Variants in ELL2 observed in about 807,000 individuals in gnomAD.
The protein encoded by ELL2 is elongation factor for RNA polymerase II 2.
A neutral mutation model predicts 72.8 loss-of-function variants in ELL2; 21 were observed. The observed-to-expected ratio is 0.29, with a 90% CI of 0.20 to 0.42. ELL2 has a LOEUF of 0.42. Ranked by LOEUF, ELL2 falls within the 10% of genes least tolerant of loss-of-function variation. The pLI is 1.00. For missense variants in ELL2, 568 were observed against 772.8 expected (o/e 0.73, Z 3.14); for synonymous variants, 266 against 283.2 (o/e 0.94, Z 0.61).
chr5:95,895,802 T>C (rs773983811), intron 8 of ELL2, 111 bp from the exon 9 acceptor site: 3 of 858,188 alleles, frequency 3.5e-6, no homozygotes, highest in Non-Finnish European at 5.8e-6. Context: ...TCAAATTCTA[T>C]TCTTCCATCT....
intron 4 of ELL2, among the ~76,000 whole-genome samples, chr5:95,912,216 A>G (rs746155166): frequency 1.8e-4 from 28 of 152,238 alleles, no homozygotes; most frequent in Non-Finnish European, 3.8e-4. Flanking sequence ...ACAAAAACAC[A>G]TGAACACAGA....
intron 4 of ELL2, among the ~76,000 whole-genome samples, chr5:95,908,652 A>G (rs1299565733): frequency 6.6e-6 from 1 of 152,180 alleles, no homozygotes; most frequent in Non-Finnish European, 1.5e-5. Context: ...GAAATTTCTA[A>G]TGTGGCAAAG....
At chr5:95,937,152 G>T (rs746740976) in intron 2 of ELL2, among the ~76,000 whole-genome samples, 11 of 152,200 alleles carry the variant, frequency 7.2e-5, no homozygotes, top group Non-Finnish European at 1.3e-4. Context: ...GGACAGAGCA[G>T]GGTGAGCACC....
At chr5:95,929,213 T>G (rs753526889) in intron 2 of ELL2, among the ~76,000 whole-genome samples, 13 of 151,762 alleles carry the variant, frequency 8.6e-5, no homozygotes, top group Non-Finnish European at 1.9e-4. Context: ...TGCCTTTCTC[T>G]CCCACCAGAC....
At chr5:95,957,438 C>T (rs1751663615) in intron 1 of ELL2, among the ~76,000 whole-genome samples, 1 of 152,096 alleles carries the variant, frequency 6.6e-6, no homozygotes, top group Non-Finnish European at 1.5e-5. Context: ...ATTTATTTAG[C>T]AACTTTTCTC....
At position 95,927,537 on chromosome 5, in the gene ELL2, GTA is replaced by G. The variant is rs1161961438; in HGVS notation, c.196-7994_196-7993del. Among the ~76,000 whole-genome samples, 3 of 29,388 alleles carry G rather than the reference GTA, an allele frequency of 1.0e-4. 1 individual carries two copies. The highest frequency in any genetic ancestry group is 4.5e-3 in the South Asian group (2 of 442). 19.3% of individuals were successfully genotyped at this position (29,388 alleles called of 152,430 possible). ...TGTATATAGACATACACACACGTGT[GTA>G]TATAGACATACACACACACGTGTGT... On this transcript the variant is annotated intron_variant, in intron 2 of 11. Transcript: ENST00000237853.
rs148778288 is a variant in ELL2, at chr5:95,920,960, G to C, written c.196-1415C>G. On this transcript the variant is annotated intron_variant, in intron 2 of 11. Coordinates refer to ENST00000237853, the MANE Select transcript of ELL2 (RefSeq NM_012081.6). ...TTAGCGTGTATGCACTCACACTCAT[G>C]AATGGGCACAGGCATGGGCAAAGGC... Among the ~76,000 whole-genome samples, 1,320 of 152,254 alleles carry C rather than the reference G, an allele frequency of 8.7e-3. 17 individuals carry two copies. The highest frequency in any genetic ancestry group is 0.031 in the African/African-American group (1,274 of 41,534).
intron 8 of ELL2, among the ~76,000 whole-genome samples, chr5:95,897,434 T>G (rs1054540996): frequency 1.3e-5 from 2 of 152,274 alleles, no homozygotes; most frequent in Non-Finnish European, 2.9e-5. Flanking sequence ...TTAGAGGACA[T>G]ATTTTTTAAA....
intron 4 of ELL2, among the ~76,000 whole-genome samples, chr5:95,910,176 A>G (rs745385211): frequency 1.3e-5 from 2 of 152,022 alleles, no homozygotes; most frequent in Non-Finnish European, 2.9e-5. Context: ...TTTTTTTTTA[A>G]TATTTGAGAA....
chr5:95,925,004 G>A (rs1468610466), intron 2 of ELL2, among the ~76,000 whole-genome samples: 1 of 152,224 alleles, frequency 6.6e-6, no homozygotes, highest in Non-Finnish European at 1.5e-5. Flanking sequence ...AACATCTGCT[G>A]AAAAGCTGTT....
At chr5:95,953,332 C>T (rs1245071590) in intron 1 of ELL2, among the ~76,000 whole-genome samples, 1 of 152,126 alleles carries the variant, frequency 6.6e-6, no homozygotes, top group Non-Finnish European at 1.5e-5. Flanking sequence ...TACCTCTTAA[C>T]TTTTTATTAA....
chr5:95,925,726 A>G (rs1260901077), intron 2 of ELL2, among the ~76,000 whole-genome samples: 3 of 152,226 alleles, frequency 2.0e-5, no homozygotes, highest in African/African-American at 7.2e-5. Context: ...AATTTAGGAA[A>G]TGCCAAGTTA....
chr5:95,899,453 AT>A (rs5869699), intron 7 of ELL2, among the ~76,000 whole-genome samples: 12 of 149,558 alleles, frequency 8.0e-5, no homozygotes, highest in South Asian at 2.1e-4. Context: ...ATGCTATTTA[AT>A]TTTTTTTTTT....
At chr5:95,953,141 A>G (rs1421824524) in intron 1 of ELL2, among the ~76,000 whole-genome samples, 1 of 152,192 alleles carries the variant, frequency 6.6e-6, no homozygotes, top group African/African-American at 2.4e-5. Context: ...CACAGACTTT[A>G]TAGTGTTCAT....
intron 4 of ELL2, chr5:95,913,547 C>T (rs999903976): frequency 1.2e-5 from 5 of 406,064 alleles, no homozygotes; most frequent in South Asian, 9.8e-5. Flanking sequence ...AAGTAGCCAA[C>T]GAAGATTCAG....
At chr5:95,951,569 G>A (rs1008278353) in intron 1 of ELL2, among the ~76,000 whole-genome samples, 7 of 151,582 alleles carry the variant, frequency 4.6e-5, no homozygotes, top group Non-Finnish European at 1.0e-4. Flanking sequence ...AAGGAGAAGT[G>A]GTAAAATAAG....
chr5:95,960,260 C>T (rs1437722227), intron 1 of ELL2, among the ~76,000 whole-genome samples: 1 of 152,072 alleles, frequency 6.6e-6, no homozygotes, highest in East Asian at 1.9e-4. Flanking sequence ...TATCTCCCTT[C>T]CGACTCTCTC....
chr5:95,905,856 A>T (rs1188896154), intron 5 of ELL2, among the ~76,000 whole-genome samples: 1 of 152,066 alleles, frequency 6.6e-6, no homozygotes, highest in East Asian at 1.9e-4. Context: ...CTGAATGCTC[A>T]TAAAGATTTA....
In ELL2 at chr5:95,901,054, G is replaced by A. The variant is rs1386175924; in HGVS notation, c.768C>T (p.Leu256=). ...QQVANLNSKD[L]SYTLKDYVFK... ...AAACATAATCCTTTAAGGTATATGAGAGGTCCTTAGAATTCAGATTGGCTA... is the reference window on the plus strand; with the variant it reads ...AAACATAATCCTTTAAGGTATATGAAAGGTCCTTAGAATTCAGATTGGCTA... The change falls in exon 6 of 12, where the codon CTC becomes CTT. Residue 256 remains leucine, a synonymous_variant. Transcript: ENST00000237853. 1 of 1,608,272 alleles carries A rather than the reference G, an allele frequency of 6.2e-7. No individual in the cohort carries two copies. The highest frequency in any genetic ancestry group is 8.5e-7 in the Non-Finnish European group (1 of 1,178,622).
Sources: gnomAD v4.1 joint callset for allele counts (sites outside exome capture counted in the v4.1 genomes callset) on GRCh38, gnomAD v4.1.1 for gene constraint, MANE v1.5 for transcripts, NCBI Gene and HGNC (gene_info 2026-07-23, HGNC 2026-07-21) for gene names.